The following NMUR2 variants were observed in gnomAD, a reference collection of about 807,000 sequenced individuals.
NMUR2 encodes the protein neuromedin-U receptor 2.
NMUR2 carries 24 observed loss-of-function variants against 25.1 expected under a neutral mutation model. The observed-to-expected ratio is 0.96, with a 90% CI of 0.69 to 1.34. NMUR2 has a LOEUF of 1.34. Among genes scored for constraint, NMUR2 ranks in the 40% most tolerant of loss-of-function variants. NMUR2 has a pLI of 0.00. For missense variants in NMUR2, 533 were observed against 512.8 expected (o/e 1.04, Z -0.38); for synonymous variants, 218 against 208.1 (o/e 1.05, Z -0.41).
At position 152,398,053 on chromosome 5, in the gene NMUR2, C is replaced by T. The variant is rs769561915; in HGVS notation, c.811+7G>A. ...AAACAAAACAAAAAACAAAATGGGG[C>T]ACTTACACAGCATCTTGTTGACTGA... On this transcript the variant is annotated splice_region_variant and intron_variant, in intron 2 of 3. Transcript: ENST00000255262. 40 of 1,605,346 alleles carry T rather than the reference C, an allele frequency of 2.5e-5. 1 individual carries two copies. In the South Asian group the frequency reaches 4.1e-4, roughly 16 times the overall value.
chr5:152,394,232 A>C (rs1198805083), intron 3 of NMUR2, among the ~76,000 whole-genome samples: 2 of 152,222 alleles, frequency 1.3e-5, no homozygotes, highest in Non-Finnish European at 2.9e-5. Context: ...ATAAACTAAG[A>C]GGTATACATA....
intron 3 of NMUR2, 140 bp from the exon 4 acceptor site, chr5:152,392,641 T>C (rs558557279): frequency 2.0e-5 from 13 of 657,570 alleles, no homozygotes; most frequent in Admixed American, 5.8e-5. Context: ...AAGCATCTAA[T>C]TGAGAATACA....
In NMUR2 at chr5:152,404,762, C is replaced by T; in HGVS notation, c.352G>A (p.Gly118Ser). Residue 118 changes from glycine to serine, a missense_variant, in exon 1 of 4, where the codon GGC (glycine) becomes AGC (serine). Transcript: ENST00000255262. The stretch of plus-strand genomic sequence containing the variant: ...AAGAGGGCCGTCTTGAAGTAGCAGC[C>T]CACGGGCCCGAACAAGAAAGGGTAG... ...RNYPFLFGPV[G>S]CYFKTALFET... 6.2e-7 allele frequency: 1 copy of T among 1,614,116 alleles called. No individual in the cohort carries two copies. Among genetic ancestry groups the T allele is most frequent in the Non-Finnish European group, 8.5e-7 (1 of 1,180,032 alleles).
intron 2 of NMUR2, among the ~76,000 whole-genome samples, chr5:152,397,823 A>G (rs554574961): frequency 6.6e-6 from 1 of 152,302 alleles, no homozygotes; most frequent in South Asian, 2.1e-4. Flanking sequence ...CAAAACACAC[A>G]GGTCCTAGAA....
rs760945893 is a variant in NMUR2 at position 152,398,079 on chromosome 5, T to G, written c.792A>C (p.Lys264Asn). Residue 264 changes from lysine (K) to asparagine (N), a missense_variant, in exon 2 of 4, where the codon AAA (lysine) becomes AAC (asparagine). Physicochemically the swap from Lys to Asn is moderately conservative, Grantham distance 94 (BLOSUM62 0). Transcript: ENST00000255262. ...GNANIQRPCR[K>N]SVNKMLFVLV... Reference sequence around the variant, plus strand: ...ACTTACACAGCATCTTGTTGACTGATTTTCTGCAGGGTCTTTGAATATTTG... The same window carrying G: ...ACTTACACAGCATCTTGTTGACTGAGTTTCTGCAGGGTCTTTGAATATTTG... 9.9e-6 allele frequency: 16 copies of G among 1,613,498 alleles called. No homozygotes were observed. Among genetic ancestry groups the G allele is most frequent in the Non-Finnish European group, 1.4e-5 (16 of 1,179,592 alleles).
At chr5:152,395,605 G>A (rs759877580) in intron 2 of NMUR2, 21 bp from the exon 3 acceptor site, 1 of 1,612,090 alleles carries the variant, frequency 6.2e-7, no homozygotes, top group Non-Finnish European at 8.5e-7. Flanking sequence ...ATGATAAATG[G>A]GAGACCAGAA....
At chr5:152,392,593 T>G in intron 3 of NMUR2, 92 bp from the exon 4 acceptor site, 338 of 888,598 alleles carry the variant, frequency 3.8e-4, no homozygotes, top group Non-Finnish European at 5.5e-4. Context: ...AGGCCTAGAA[T>G]CCCTGTGATT....
rs1753067061 is a variant in NMUR2, at chr5:152,391,945, A to T, written c.*246T>A. ...ATGCCTTTCCAGTCACGTTCTTGGC[A>T]TGAACTAGTGAAGGGGCATGAGGCA... On this transcript the variant is annotated 3_prime_UTR_variant, in exon 4 of 4. Transcript: ENST00000255262. 4 of 397,342 alleles carry T rather than the reference A, an allele frequency of 1.0e-5. No homozygotes were observed. The East Asian group carries it at 1.3e-4, about 13-fold the overall frequency. 24.6% of individuals were successfully genotyped at this position (397,342 alleles called of 1,614,324 possible). A position where few individuals can be genotyped will look rare whatever the true frequency, so the allele number is the denominator to read the frequency against.
rs759004038 is a variant in NMUR2 at position 152,404,701 on chromosome 5, G to C, written c.413C>G (p.Thr138Ser). ...CACGTAGCGCTCCACGCTGACGGTG[G>C]TGATGCTGAGGATGGAGGCGAAGCA... ...TVCFASILSI[T>S]TVSVERYVAI... The change falls in exon 1 of 4, where the codon ACC (threonine) becomes AGC (serine). Residue 138 changes from threonine to serine, a missense_variant. Physicochemically the swap from Thr to Ser is moderately conservative, Grantham distance 58. Coordinates refer to ENST00000255262, the MANE Select transcript of NMUR2 (RefSeq NM_020167.5). 12 of 1,614,172 alleles carry C rather than the reference G, an allele frequency of 7.4e-6. No homozygotes were observed. The East Asian group carries it at 2.7e-4, about 36-fold the overall frequency.
intron 1 of NMUR2, among the ~76,000 whole-genome samples, chr5:152,402,691 TA>T (rs760000188): frequency 7.2e-5 from 11 of 152,154 alleles, no homozygotes; most frequent in Admixed American, 1.3e-4. Flanking sequence ...GAGGTAATAT[TA>T]AGTGGGTGGG....
Position 152,392,501 on chromosome 5 carries a change from C to G in NMUR2, c.938G>C (p.Gly313Ala). 1 of 1,607,292 alleles carries G rather than the reference C, an allele frequency of 6.2e-7. No homozygotes were observed. The change falls in exon 4 of 4, where the codon GGT becomes GCT. Residue 313 changes from glycine to alanine, a missense_variant and splice_region_variant. Coordinates refer to ENST00000255262, the MANE Select transcript of NMUR2 (RefSeq NM_020167.5). ...AVFNLVHVVS[G>A]VFFYLSSAVN... ...AGCTGAGCTCAGGTAGAAGAAGACA[C>G]CTGGAATGCAGGGGATTTAAAAAGA...
intron 3 of NMUR2, 39 bp from the exon 4 acceptor site, chr5:152,392,540 A>C (rs1197651232): frequency 1.3e-6 from 2 of 1,505,538 alleles, no homozygotes; most frequent in South Asian, 2.4e-5. Context: ...GCTGAGAAGA[A>C]CTTAAGTGAC....
intron 1 of NMUR2, among the ~76,000 whole-genome samples, chr5:152,400,847 T>C (rs1753239196): frequency 1.3e-5 from 2 of 152,192 alleles, no homozygotes; most frequent in African/African-American, 4.8e-5. Flanking sequence ...AGGAACAATT[T>C]TTAAAAAAAT....
chr5:152,401,676 C>T (rs1271757095), intron 1 of NMUR2, among the ~76,000 whole-genome samples: 3 of 152,196 alleles, frequency 2.0e-5, no homozygotes, highest in Non-Finnish European at 4.4e-5. Flanking sequence ...CCAGAACTTC[C>T]TCCCACATGT....
At chr5:152,402,846 G>T (rs1244055768) in intron 1 of NMUR2, among the ~76,000 whole-genome samples, 2 of 152,194 alleles carry the variant, frequency 1.3e-5, no homozygotes, top group African/African-American at 4.8e-5. Context: ...TCCAGGAGGG[G>T]ACTGGCACAG....
chr5:152,404,404 T>G lies in NMUR2; in HGVS notation c.710A>C (p.Tyr237Ser). The G allele has an allele frequency of 6.2e-7, 1 of 1,613,194 alleles. No homozygotes were observed. The highest frequency in any genetic ancestry group is 1.7e-5 in the Admixed American group (1 of 59,978). ...LPMTVISVLY[Y>S]LMALRLKKDK... ...GATACTCACTCTGAGTGCCATGAGGTAGTAGAGGACACTGATGACAGTCAT... is the reference window on the plus strand; with the variant it reads ...GATACTCACTCTGAGTGCCATGAGGGAGTAGAGGACACTGATGACAGTCAT... Residue 237 changes from tyrosine to serine, a missense_variant, in exon 1 of 4, where the codon TAC becomes TCC. Transcript: ENST00000255262.
chr5:152,396,900 C>A (rs1753161896), intron 2 of NMUR2, among the ~76,000 whole-genome samples: 1 of 151,840 alleles, frequency 6.6e-6, no homozygotes, highest in Non-Finnish European at 1.5e-5. Flanking sequence ...AAAACAACAA[C>A]AACAACAGCA....
intron 1 of NMUR2, among the ~76,000 whole-genome samples, chr5:152,399,373 A>G (rs1266059211): frequency 1.3e-5 from 2 of 152,120 alleles, no homozygotes; most frequent in Non-Finnish European, 2.9e-5. Flanking sequence ...TATAGTCCCT[A>G]AACAATTTAG....
chr5:152,405,170 GAAAAAA>G lies in NMUR2; in HGVS notation c.-63_-58del. 8.7e-6 allele frequency: 10 copies of G among 1,155,586 alleles called. No individual in the cohort carries two copies. Among genetic ancestry groups the G allele is most frequent in the East Asian group, 2.7e-5 (1 of 36,498 alleles). The allele number at this position is 1,155,586 out of a possible 1,614,324, so 71.6% of individuals were successfully genotyped here. ...GAGGCTCTGTTTCAAGCTGAGCCAG[GAAAAAA>G]AAAAAAAAAAGAAAAAAGGAAAACA... On this transcript the variant is annotated 5_prime_UTR_variant, in exon 1 of 4. Coordinates refer to ENST00000255262, the MANE Select transcript of NMUR2 (RefSeq NM_020167.5).
Sources: allele counts gnomAD v4.1 joint callset (sites outside exome capture counted in the v4.1 genomes callset), GRCh38; gene constraint gnomAD v4.1.1; transcripts MANE v1.5; gene names NCBI Gene and HGNC (gene_info 2026-07-23, HGNC 2026-07-21).